The following STRADA variants were observed in gnomAD, a reference collection of about 807,000 sequenced individuals.
The protein encoded by STRADA is STE20 related adaptor alpha, also known as STE20-related kinase adapter protein alpha.
A neutral mutation model predicts 55.0 loss-of-function variants in STRADA; 26 were observed. The ratio of observed to expected loss-of-function variants is 0.47; its 90% CI spans 0.35 to 0.66. The LOEUF is 0.66. STRADA is among the 30% of genes least tolerant of loss of function. The pLI, the probability that STRADA is intolerant of heterozygous loss-of-function variation, is 0.01. For synonymous variants in STRADA, 197 were observed against 210.9 expected, an observed-to-expected ratio of 0.93 and a Z score of 0.57; for missense variants, 443 against 549.7, an observed-to-expected ratio of 0.81 and a Z score of 1.94.
intron 1 of STRADA, among the ~76,000 whole-genome samples, chr17:63,739,783 C>T (rs56747602): frequency 4.9e-5 from 4 of 81,382 alleles, no homozygotes; most frequent in African/African-American, 1.7e-4. Context: ...TACATATATA[C>T]ATATAATGTA....
intron 4 of STRADA, among the ~76,000 whole-genome samples, chr17:63,720,724 G>C (rs2037242178): frequency 6.7e-6 from 1 of 149,844 alleles, no homozygotes. Flanking sequence ...GCAGTGAGCT[G>C]AGATCGCGCC....
intron 8 of STRADA, among the ~76,000 whole-genome samples, chr17:63,710,174 GACT>G (rs2036401054): frequency 6.6e-6 from 1 of 151,736 alleles, no homozygotes; most frequent in African/African-American, 2.4e-5. Context: ...CAGCTACTGG[GACT>G]ACAAGCATGT....
In STRADA at chr17:63,728,416, AAAAGG is replaced by A. The variant is rs761412315; in HGVS notation, c.-44-8_-44-4del. 5.8e-6 allele frequency: 9 copies of A among 1,543,804 alleles called. No homozygotes were observed. Among genetic ancestry groups the A allele is most frequent in the Non-Finnish European group, 6.2e-6 (7 of 1,136,972 alleles). Reference sequence around the variant, plus strand: ...ACTTCAGTTTCAAAAACTTAAACCTAAAAGGAAAATAGAAACAGGTTGAGTTAGCA... The same window carrying A: ...ACTTCAGTTTCAAAAACTTAAACCTAAAAATAGAAACAGGTTGAGTTAGCA... On this transcript the variant is annotated splice_region_variant and splice_polypyrimidine_tract_variant and intron_variant, in intron 1 of 12. Coordinates refer to ENST00000336174, the MANE Select transcript of STRADA (RefSeq NM_001003787.4).
At chr17:63,717,745 G>C (rs2036996232) in intron 4 of STRADA, among the ~76,000 whole-genome samples, 1 of 151,996 alleles carries the variant, frequency 6.6e-6, no homozygotes, top group South Asian at 2.1e-4. Flanking sequence ...TCAAAGTGCT[G>C]GGATTACAGG....
At chr17:63,725,918 C>T (rs1448251239) in intron 3 of STRADA, 1 of 152,074 alleles carries the variant, frequency 6.6e-6, no homozygotes, top group Non-Finnish European at 1.5e-5. Context: ...AATCTGCCCA[C>T]CTCGGCCTCC....
chr17:63,703,292 A>G lies in STRADA; in HGVS notation c.*307T>C. 3.8e-6 allele frequency: 1 copy of G among 261,854 alleles called. No homozygotes were observed. Among genetic ancestry groups the G allele is most frequent in the Non-Finnish European group, 7.3e-6 (1 of 136,074 alleles). The allele number at this position is 261,854 out of a possible 1,614,324, so 16.2% of individuals were successfully genotyped here. A position where few individuals can be genotyped will look rare whatever the true frequency, so the allele number is the denominator to read the frequency against. ...GAGCCAAACCCTGGGCTTGGAATTC[A>G]GCTCCCAGGGCCAGAGCAGCATCTC... is the stretch of plus-strand genomic sequence containing the variant. On this transcript the variant is annotated 3_prime_UTR_variant, in exon 13 of 13. Transcript: ENST00000336174.
chr17:63,723,408 AGG>A, intron 3 of STRADA, 82 bp from the exon 4 acceptor site: 1 of 1,536,224 alleles, frequency 6.5e-7, no homozygotes, highest in Non-Finnish European at 9.0e-7. Flanking sequence ...TATTGTACTT[AGG>A]ACTACATTTA....
chr17:63,728,900 A>AT (rs1426315583), intron 1 of STRADA, among the ~76,000 whole-genome samples: 2 of 150,642 alleles, frequency 1.3e-5, no homozygotes, highest in African/African-American at 4.9e-5. Context: ...AAAAAAAAAA[A>AT]AAATTTTAAT....
intron 4 of STRADA, among the ~76,000 whole-genome samples, chr17:63,717,543 C>T (rs1045709079): frequency 3.3e-5 from 5 of 151,264 alleles, no homozygotes; most frequent in African/African-American, 1.2e-4. Context: ...TGCAGTAGTG[C>T]GATCTCAGCT....
At chr17:63,712,014 C>G (rs2036533033) in intron 6 of STRADA, among the ~76,000 whole-genome samples, 1 of 152,100 alleles carries the variant, frequency 6.6e-6, no homozygotes, top group Admixed American at 6.5e-5. Flanking sequence ...GCTCCATCCT[C>G]AGACCCACCA....
At chr17:63,734,552 G>A (rs368774862) in intron 1 of STRADA, among the ~76,000 whole-genome samples, 2 of 152,168 alleles carry the variant, frequency 1.3e-5, no homozygotes, top group Middle Eastern at 3.4e-3. Context: ...GCTGAGAATC[G>A]CTTGAACTCG....
chr17:63,706,843 CCTG>C, intron 9 of STRADA, 104 bp from the exon 10 acceptor site: 1 of 843,960 alleles, frequency 1.2e-6, no homozygotes, highest in Non-Finnish European at 1.9e-6. Context: ...CACATCAGGA[CCTG>C]CTGCTAATGA....
rs557601329 is a variant in STRADA, at chr17:63,728,227, C to T, written c.36+107G>A. On this transcript the variant is annotated intron_variant, in intron 2 of 12. Coordinates refer to ENST00000336174, the MANE Select transcript of STRADA (RefSeq NM_001003787.4). Reference sequence around the variant, plus strand: ...CCTTACTTCCTACATCCCTCACTTCCGTATCATTCCGACCCTCACGTAGAA... The same window carrying T: ...CCTTACTTCCTACATCCCTCACTTCTGTATCATTCCGACCCTCACGTAGAA... 7.5e-5 allele frequency: 75 copies of T among 1,004,098 alleles called. 1 individual carries two copies. The highest frequency in any genetic ancestry group is 7.1e-4 in the South Asian group (49 of 68,816). 62.2% of individuals were successfully genotyped at this position (1,004,098 alleles called of 1,614,324 possible). A position where few individuals can be genotyped will look rare whatever the true frequency, so the allele number is the denominator to read the frequency against.
chr17:63,718,300 C>T (rs147992852), intron 4 of STRADA, among the ~76,000 whole-genome samples: 50 of 152,274 alleles, frequency 3.3e-4, no homozygotes, highest in African/African-American at 1.2e-3. Context: ...ATGCCAGGTA[C>T]CTCACCAAGG....
intron 1 of STRADA, among the ~76,000 whole-genome samples, chr17:63,738,097 C>A (rs186209800): frequency 6.6e-6 from 1 of 151,698 alleles, no homozygotes; most frequent in Non-Finnish European, 1.5e-5. Flanking sequence ...AATCCCAGCA[C>A]CTTGGGAGGC....
intron 1 of STRADA, among the ~76,000 whole-genome samples, chr17:63,729,888 A>G (rs1055662444): frequency 7.9e-5 from 12 of 151,104 alleles, no homozygotes; most frequent in Non-Finnish European, 1.3e-4. Flanking sequence ...CCCAGGCTGA[A>G]GTGCAGTTGC....
At position 63,713,674 on chromosome 17, in the gene STRADA, G is replaced by A. The variant is rs542822563; in HGVS notation, c.227-147C>T. 1.6e-5 allele frequency: 17 copies of A among 1,075,620 alleles called. No individual in the cohort carries two copies. The East Asian group carries it at 4.3e-4, about 27-fold the overall frequency. 66.6% of individuals were successfully genotyped at this position (1,075,620 alleles called of 1,614,324 possible). Reference sequence around the variant, plus strand: ...TACTTTTTTTTTTTTCCTTTTCCCAGCAGAATTTAACTGTTATGTTCATGG... The same window carrying A: ...TACTTTTTTTTTTTTCCTTTTCCCAACAGAATTTAACTGTTATGTTCATGG... On this transcript the variant is annotated intron_variant, in intron 5 of 12. Coordinates refer to ENST00000336174, the MANE Select transcript of STRADA (RefSeq NM_001003787.4).
intron 1 of STRADA, among the ~76,000 whole-genome samples, chr17:63,739,707 C>A (rs1419848393): frequency 1.4e-5 from 2 of 146,582 alleles, no homozygotes; most frequent in Non-Finnish European, 3.0e-5. Context: ...AATATGTATA[C>A]ATATATAATT....
intron 6 of STRADA, among the ~76,000 whole-genome samples, chr17:63,713,015 A>AT (rs11372672): frequency 6.6e-6 from 1 of 150,602 alleles, no homozygotes. Flanking sequence ...AAAAAAAAAA[A>AT]GAAAAGAAAA....
Sources: allele counts gnomAD v4.1 joint callset (sites outside exome capture counted in the v4.1 genomes callset), GRCh38; gene constraint gnomAD v4.1.1; transcripts MANE v1.5; gene names NCBI Gene and HGNC (gene_info 2026-07-23, HGNC 2026-07-21).